The following SETBP1 variants were observed in gnomAD, a reference collection of about 807,000 sequenced individuals.
The protein encoded by SETBP1 is SET binding protein 1, also known as SET-binding protein.
In SETBP1, 9 loss-of-function variants were observed where a neutral mutation model predicts 101.0. The ratio of observed to expected loss-of-function variants is 0.09; its 90% confidence interval spans 0.05 to 0.16. The LOEUF (loss-of-function observed/expected upper bound fraction) is 0.16, where lower values mean the gene tolerates loss of function less well. SETBP1 is among the 10% of genes least tolerant of loss of function. The pLI, the probability that SETBP1 is intolerant of heterozygous loss-of-function variation, is 1.00. For missense variants in SETBP1, 1,858 were observed against 2,033.8 expected, an observed-to-expected ratio of 0.91 and a Z score of 1.66; for synonymous variants, 818 against 788.5, an observed-to-expected ratio of 1.04 and a Z score of -0.63.
intron 4 of SETBP1, among the ~76,000 whole-genome samples, chr18:44,984,029 C>T (rs562863279): frequency 1.3e-5 from 2 of 149,762 alleles, no homozygotes; most frequent in East Asian, 2.0e-4. Flanking sequence ...GGTGAAACCC[C>T]GTCTCTACTA....
intron 4 of SETBP1, among the ~76,000 whole-genome samples, chr18:44,983,247 G>T (rs1232905250): frequency 1.3e-5 from 2 of 152,092 alleles, no homozygotes; most frequent in African/African-American, 4.8e-5. Context: ...AACGTGATTG[G>T]GGAAAAACAG....
chr18:44,783,538 T>G (rs1049407985), intron 2 of SETBP1, among the ~76,000 whole-genome samples: 1 of 152,194 alleles, frequency 6.6e-6, no homozygotes, highest in Non-Finnish European at 1.5e-5. Flanking sequence ...GTAATGGTAA[T>G]TGTGCAACAT....
At chr18:45,061,420 C>T (rs1253066518) in intron 5 of SETBP1, among the ~76,000 whole-genome samples, 1 of 152,186 alleles carries the variant, frequency 6.6e-6, no homozygotes, top group Non-Finnish European at 1.5e-5. Flanking sequence ...ACAAAACTAA[C>T]TACAAAAATT....
At chr18:45,039,519 C>G (rs1469023571) in intron 5 of SETBP1, among the ~76,000 whole-genome samples, 1 of 152,230 alleles carries the variant, frequency 6.6e-6, no homozygotes, top group Non-Finnish European at 1.5e-5. Context: ...CAGTTCCCCT[C>G]ATTTCGTAGA....
intron 4 of SETBP1, among the ~76,000 whole-genome samples, chr18:45,031,340 C>T (rs551550372): frequency 7.2e-5 from 11 of 152,162 alleles, no homozygotes; most frequent in South Asian, 4.1e-4. Flanking sequence ...CTAGGAATTA[C>T]GATGTGGACA....
intron 2 of SETBP1, among the ~76,000 whole-genome samples, chr18:44,852,390 C>T (rs1034074311): frequency 4.6e-5 from 7 of 152,216 alleles, no homozygotes; most frequent in Admixed American, 3.9e-4. Flanking sequence ...TTGCTGCAAA[C>T]ATGCAGCTTG....
At chr18:44,706,591 C>CAAAAAAAAAAAA (rs1018470585) in intron 2 of SETBP1, among the ~76,000 whole-genome samples, 4 of 16,972 alleles carry the variant, frequency 2.4e-4, no homozygotes, top group Admixed American at 1.3e-3. Context: ...GACTCAATCT[C>CAAAAAAAAAAAA]AAAAAAAAAA....
At chr18:44,823,645 C>A (rs1163626383) in intron 2 of SETBP1, among the ~76,000 whole-genome samples, 1 of 152,194 alleles carries the variant, frequency 6.6e-6, no homozygotes, top group Non-Finnish European at 1.5e-5. Flanking sequence ...CGATGCAGAG[C>A]AGACCCCTTG....
chr18:44,686,565 T>C (rs576460015), intron 1 of SETBP1, among the ~76,000 whole-genome samples: 26 of 152,282 alleles, frequency 1.7e-4, no homozygotes, highest in South Asian at 1.0e-3. Flanking sequence ...CTCTGAGCCC[T>C]TGAAAAAGGG....
At chr18:44,920,071 C>A (rs1266716269) in intron 3 of SETBP1, among the ~76,000 whole-genome samples, 1 of 152,128 alleles carries the variant, frequency 6.6e-6, no homozygotes, top group African/African-American at 2.4e-5. Context: ...AAATTTATTT[C>A]TCATAGTTCT....
chr18:44,948,530 T>TAGATA (rs1555705506), intron 3 of SETBP1, among the ~76,000 whole-genome samples: 6 of 29,544 alleles, frequency 2.0e-4, no homozygotes, highest in Admixed American at 9.4e-4. Flanking sequence ...GATAGATAGA[T>TAGATA]GATAGATAGA....
chr18:44,912,240 A>G (rs924815297), intron 3 of SETBP1, among the ~76,000 whole-genome samples: 1 of 152,196 alleles, frequency 6.6e-6, no homozygotes, highest in African/African-American at 2.4e-5. Context: ...TAGAAAGACC[A>G]TGTTCAAGGC....
At chr18:44,816,361 G>A (rs976466283) in intron 2 of SETBP1, among the ~76,000 whole-genome samples, 5 of 152,170 alleles carry the variant, frequency 3.3e-5, no homozygotes, top group African/African-American at 1.2e-4. Context: ...GGCTAGAGGG[G>A]CAGTTGTGCA....
chr18:44,740,977 G>A (rs1009145970), intron 2 of SETBP1, among the ~76,000 whole-genome samples: 4 of 152,158 alleles, frequency 2.6e-5, no homozygotes, highest in Non-Finnish European at 4.4e-5. Context: ...ATCTTGCATT[G>A]TGGACTAGTA....
intron 2 of SETBP1, among the ~76,000 whole-genome samples, chr18:44,839,884 A>T (rs1203457422): frequency 6.6e-6 from 1 of 152,196 alleles, no homozygotes; most frequent in East Asian, 1.9e-4. Context: ...ATGTGATTGC[A>T]CCTCCTTAGG....
At chr18:44,834,824 A>G (rs2072461442) in intron 2 of SETBP1, among the ~76,000 whole-genome samples, 1 of 152,238 alleles carries the variant, frequency 6.6e-6, no homozygotes, top group Non-Finnish European at 1.5e-5. Flanking sequence ...GCCCACATGG[A>G]CATGGTAGGG....
At position 44,825,627 on chromosome 18, in the gene SETBP1, G is replaced by T. The variant is rs984707767; in HGVS notation, c.487-43603G>T. On this transcript the variant is annotated intron_variant, in intron 2 of 5. Transcript: ENST00000649279. ...AGATAATGTGGTTTATCAACATTGG[G>T]ACAATCTTCACCTGACCTTTGTATT... 5.9e-5 allele frequency among the ~76,000 whole-genome samples: 9 copies of T among 152,340 alleles called. No individual in the cohort carries two copies. The East Asian group carries it at 1.7e-3, about 29-fold the overall frequency.
rs71177665 is a variant in SETBP1 at position 45,048,978 on chromosome 18, CAAAAAAAAAA to C, written c.4171+10342_4171+10351del. Reference sequence around the variant, plus strand: ...TGGGCGACAGAGCGAGACTCCGTCTCAAAAAAAAAAAAAAAAAAAAAAAAAAAATAGAAGA... The same window carrying C: ...TGGGCGACAGAGCGAGACTCCGTCTCAAAAAAAAAAAAAAAAAATAGAAGA... On this transcript the variant is annotated intron_variant, in intron 5 of 5. Transcript: ENST00000649279. Among the ~76,000 whole-genome samples the C allele has an allele frequency of 9.8e-3, 459 of 46,658 alleles. 9 individuals are homozygous for C. In the South Asian group the frequency reaches 0.1, roughly 11 times the overall value. The allele number at this position is 46,658 out of a possible 152,430, so 30.6% of individuals were successfully genotyped here. A position where few individuals can be genotyped will look rare whatever the true frequency, so the allele number is the denominator to read the frequency against.
chr18:44,720,087 ATG>A (rs2069553420), intron 2 of SETBP1, among the ~76,000 whole-genome samples: 1 of 152,182 alleles, frequency 6.6e-6, no homozygotes, highest in Admixed American at 6.5e-5. Context: ...TCATACACAT[ATG>A]TGTGAGCATG....
Sources: allele counts gnomAD v4.1 joint callset (sites outside exome capture counted in the v4.1 genomes callset), GRCh38; gene constraint gnomAD v4.1.1; transcripts MANE v1.5; gene names NCBI Gene and HGNC (gene_info 2026-07-23, HGNC 2026-07-21).